The following HTR3C variants were observed in gnomAD, a reference collection of about 807,000 sequenced individuals.
HTR3C encodes the protein 5-hydroxytryptamine receptor 3C.
In HTR3C, 32 loss-of-function variants were observed where a neutral mutation model predicts 40.5. That is an observed-to-expected ratio of 0.79 (90% CI 0.60 to 1.06). The LOEUF (loss-of-function observed/expected upper bound fraction) is 1.06. Ranked by LOEUF, HTR3C falls within the 50% of genes least tolerant of loss-of-function variation. The probability of loss-of-function intolerance (pLI) is 0.00; values close to 1 mark genes in which losing one functional copy is unlikely to be tolerated. For synonymous variants in HTR3C, 209 were observed against 217.1 expected, an observed-to-expected ratio of 0.96 and a Z score of 0.33; for missense variants, 523 against 556.8, an observed-to-expected ratio of 0.94 and a Z score of 0.61.
rs751585691 is a variant in HTR3C, at chr3:184,059,859, G to T, written c.957G>T (p.Met319Ile). The change falls in exon 8 of 9, where the codon ATG (methionine) becomes ATT (isoleucine). Residue 319 changes from methionine (M) to isoleucine (I), a missense_variant. Transcript: ENST00000318351. ...ACTTCGCCCTGTGCCTGTCCCTGATGGTGGTCAGCCTGCTGGAGACCGTCT... is the reference window on the plus strand; with the variant it reads ...ACTTCGCCCTGTGCCTGTCCCTGATTGTGGTCAGCCTGCTGGAGACCGTCT... ...SVYFALCLSL[M>I]VVSLLETVFI... 1 of 1,613,990 alleles carries T rather than the reference G, an allele frequency of 6.2e-7. No homozygotes were observed. Among genetic ancestry groups the T allele is most frequent in the Admixed American group, 1.7e-5 (1 of 60,006 alleles).
chr3:184,055,702 G>T (rs1338826525), intron 3 of HTR3C, among the ~76,000 whole-genome samples: 1 of 123,814 alleles, frequency 8.1e-6, no homozygotes, highest in African/African-American at 3.4e-5. Context: ...TGACAAGAAC[G>T]AAACTCCATC....
In HTR3C at chr3:184,054,691, C is replaced by T. The variant is rs1490383935; in HGVS notation, c.68-30C>T. 3 of 1,511,116 alleles carry T rather than the reference C, an allele frequency of 2.0e-6. No homozygotes were observed. In the African/African-American group the frequency reaches 4.2e-5, roughly 21 times the overall value. The allele number at this position is 1,511,116 out of a possible 1,614,324, so 93.6% of individuals were successfully genotyped here. A position where few individuals can be genotyped will look rare whatever the true frequency, so the allele number is the denominator to read the frequency against. On this transcript the variant is annotated intron_variant, in intron 1 of 8. Transcript: ENST00000318351. ...AGACTCCAGCCCTGGAAATAGAGTC[C>T]CTCTCTCACGGAGTCTCTGCTCTCT... is the stretch of plus-strand genomic sequence containing the variant.
chr3:184,060,620 A>G lies in HTR3C; in HGVS notation c.*268A>G. On this transcript the variant is annotated 3_prime_UTR_variant, in exon 9 of 9. Coordinates refer to ENST00000318351, the MANE Select transcript of HTR3C (RefSeq NM_130770.3). ...CTCACTCCCTGATCAATGGAAGTCC[A>G]GGTCAGTGGAGTCTCTCCTTGATTG... 1 of 527,646 alleles carries G rather than the reference A, an allele frequency of 1.9e-6. No individual in the cohort carries two copies. The highest frequency in any genetic ancestry group is 3.4e-6 in the Non-Finnish European group (1 of 291,792). The allele number at this position is 527,646 out of a possible 1,614,324, so 32.7% of individuals were successfully genotyped here.
rs1311041728 is a variant in HTR3C, at chr3:184,060,213, G to A, written c.1205G>A (p.Gly402Glu). 20 of 1,614,142 alleles carry A rather than the reference G, an allele frequency of 1.2e-5. No individual in the cohort carries two copies. The highest frequency in any genetic ancestry group is 1.4e-5 in the Non-Finnish European group (17 of 1,180,006). ...KLGPRETEPD[G>E]GSGWTKTQLM... is the part of the protein sequence containing the mutation. ...GGACCCAGAGAGACCGAGCCAGATGGGGGCTCAGGATGGACAAAGACCCAG... is the reference window on the plus strand; with the variant it reads ...GGACCCAGAGAGACCGAGCCAGATGAGGGCTCAGGATGGACAAAGACCCAG... The change falls in exon 9 of 9, where the codon GGG becomes GAG. Residue 402 changes from glycine (G) to glutamate (E), a missense_variant. Coordinates refer to ENST00000318351, the MANE Select transcript of HTR3C (RefSeq NM_130770.3).
chr3:184,059,042 G>T (rs1009011001), intron 6 of HTR3C, among the ~76,000 whole-genome samples: 5 of 152,104 alleles, frequency 3.3e-5, no homozygotes, highest in South Asian at 2.1e-4. Context: ...CTACCTAATT[G>T]CCCTGAAGCA....
In HTR3C at chr3:184,059,623, GT is replaced by G; in HGVS notation, c.909del (p.Ser303ArgfsTer16). On this transcript the variant is annotated frameshift_variant, in exon 7 of 9. Coordinates refer to ENST00000318351, the MANE Select transcript of HTR3C (RefSeq NM_130770.3). LOFTEE classifies it high-confidence loss of function. ...LLMMNDLLPA[S>X]GTPLISVYFA... is the part of the protein sequence containing the mutation. ...ATGATGAATGACTTGCTCCCTGCCA[GT>G]GGCACCCCCCTCATCAGTATGGCTC... The G allele has an allele frequency of 6.2e-7, 1 of 1,614,150 alleles. No homozygotes were observed. The highest frequency in any genetic ancestry group is 8.5e-7 in the Non-Finnish European group (1 of 1,180,026).
chr3:184,056,333 G>T (rs371362662), intron 4 of HTR3C, 47 bp downstream of exon 4: 1 of 1,316,904 alleles, frequency 7.6e-7, no homozygotes, highest in Non-Finnish European at 1.1e-6. Context: ...CATCTGCCGA[G>T]AACAGCCTAG....
At position 184,056,218 on chromosome 3, in the gene HTR3C, T is replaced by C. The variant is rs1374787729; in HGVS notation, c.321T>C (p.Cys107=). 3.7e-6 allele frequency: 6 copies of C among 1,613,972 alleles called. No individual in the cohort carries two copies. The highest frequency in any genetic ancestry group is 4.2e-6 in the Non-Finnish European group (5 of 1,179,864). The part of the protein sequence containing the change: ...NPFINWNPKE[C]VGINKLTVLA... ...TCATTAATTGGAACCCAAAAGAGTG[T>C]GTTGGCATCAATAAACTCACAGTAT... is the stretch of plus-strand genomic sequence containing the variant. The change falls in exon 4 of 9, where the codon TGT becomes TGC. Residue 107 remains cysteine (C), a synonymous_variant. Coordinates refer to ENST00000318351, the MANE Select transcript of HTR3C (RefSeq NM_130770.3).
chr3:184,053,988 T>C (rs1723274148), intron 1 of HTR3C, among the ~76,000 whole-genome samples: 1 of 151,840 alleles, frequency 6.6e-6, no homozygotes, highest in African/African-American at 2.4e-5. Flanking sequence ...CTCTCGACCT[T>C]GTGATCCGCC....
chr3:184,058,327 A>T, intron 5 of HTR3C, 100 bp from the exon 6 acceptor site: 1 of 1,239,578 alleles, frequency 8.1e-7, no homozygotes, highest in South Asian at 1.9e-5. Context: ...AAAAGGATAG[A>T]GGAAAATTTG....
At chr3:184,057,463 A>G (rs748598321) in intron 5 of HTR3C, among the ~76,000 whole-genome samples, 1 of 152,142 alleles carries the variant, frequency 6.6e-6, no homozygotes, top group African/African-American at 2.4e-5. Context: ...GGCAGGGCGC[A>G]GTGGCTCACG....
intron 5 of HTR3C, among the ~76,000 whole-genome samples, chr3:184,057,602 T>C (rs970537585): frequency 2.6e-5 from 4 of 151,928 alleles, no homozygotes; most frequent in Admixed American, 6.6e-5. Context: ...GGCCTGGTGG[T>C]GGGCGCCTGT....
chr3:184,057,362 C>G (rs761459520), intron 5 of HTR3C, among the ~76,000 whole-genome samples: 12 of 151,552 alleles, frequency 7.9e-5, no homozygotes, highest in Admixed American at 1.3e-4. Context: ...ATTGTTTGAG[C>G]CAGAGAGGCT....
chr3:184,054,970 G>C, intron 2 of HTR3C, 83 bp downstream of exon 2: 1 of 1,405,816 alleles, frequency 7.1e-7, no homozygotes, highest in Non-Finnish European at 9.6e-7. Context: ...CATGGCCCTG[G>C]CCCCGTGGTG....
chr3:184,055,247 A>T, intron 2 of HTR3C, 65 bp from the exon 3 acceptor site: 1 of 1,037,268 alleles, frequency 9.6e-7, no homozygotes, highest in Non-Finnish European at 1.5e-6. Context: ...ATTGGTGGGA[A>T]TATGAGGTGG....
In HTR3C at chr3:184,060,355, A is replaced by G. The variant is rs1320681951; in HGVS notation, c.*3A>G. 7 of 1,614,008 alleles carry G rather than the reference A, an allele frequency of 4.3e-6. No individual in the cohort carries two copies. Among genetic ancestry groups the G allele is most frequent in the Non-Finnish European group, 5.9e-6 (7 of 1,180,004 alleles). ...TCATTGTCCTCTGGAACACCTAGGC[A>G]GACATCCCCCCTCTCTGGCAAACAA... On this transcript the variant is annotated 3_prime_UTR_variant, in exon 9 of 9. Transcript: ENST00000318351.
In HTR3C at chr3:184,056,924, G is replaced by A. The variant is rs542641850; in HGVS notation, c.439G>A (p.Glu147Lys). The change falls in exon 5 of 9, where the codon GAA becomes AAA. Residue 147 changes from glutamate (E) to lysine (K), a missense_variant. By Grantham distance (56) the Glu-to-Lys change is moderately conservative. Transcript: ENST00000318351. ...PSGLTAYISS[E>K]GRIKYDKPMR... ...CGGTCTCACTGCCTATATCAGCAGTGAAGGTCGAATTAAGTATGATAAGCC... is the reference window on the plus strand; with the variant it reads ...CGGTCTCACTGCCTATATCAGCAGTAAAGGTCGAATTAAGTATGATAAGCC... The A allele has an allele frequency of 5.0e-6, 8 of 1,613,810 alleles. No individual in the cohort carries two copies. The South Asian group carries it at 6.6e-5, about 13-fold the overall frequency.
chr3:184,056,847 C>T, intron 4 of HTR3C, 28 bp from the exon 5 acceptor site: 1 of 1,564,712 alleles, frequency 6.4e-7, no homozygotes, highest in Non-Finnish European at 8.7e-7. Context: ...GATTAAGCCT[C>T]CATCTCTTCC....
chr3:184,056,160 T>A lies in HTR3C; in HGVS notation c.280-17T>A. 6.5e-7 allele frequency: 1 copy of A among 1,536,342 alleles called. No individual in the cohort carries two copies. The highest frequency in any genetic ancestry group is 9.0e-7 in the Non-Finnish European group (1 of 1,109,002). On this transcript the variant is annotated splice_polypyrimidine_tract_variant and intron_variant, in intron 3 of 8. Transcript: ENST00000318351. Reference sequence around the variant, plus strand: ...GCTCACCGTCACTCACCTCTGTCCCTCACTGCCCTGATGCAGGTATGGGAC... The same window carrying A: ...GCTCACCGTCACTCACCTCTGTCCCACACTGCCCTGATGCAGGTATGGGAC...
Sources: allele counts gnomAD v4.1 joint callset (sites outside exome capture counted in the v4.1 genomes callset), GRCh38; gene constraint gnomAD v4.1.1; transcripts MANE v1.5; gene names NCBI Gene and HGNC (gene_info 2026-07-23, HGNC 2026-07-21).